Variants in HEPACAM2 observed in about 807,000 individuals in gnomAD.
HEPACAM2 encodes HEPACAM family member 2.
In HEPACAM2, 49 loss-of-function variants were observed where a neutral mutation model predicts 49.6. That is an observed-to-expected ratio of 0.99 (90% CI 0.78 to 1.25). HEPACAM2 has a LOEUF of 1.25. HEPACAM2 is among the 50% of genes most tolerant of loss of function. The probability of loss-of-function intolerance (pLI) is 0.00; values close to 1 mark genes in which losing one functional copy is unlikely to be tolerated. For missense variants in HEPACAM2, 525 were observed against 557.2 expected, an observed-to-expected ratio of 0.94 and a Z score of 0.58; for synonymous variants, 197 against 202.9, an observed-to-expected ratio of 0.97 and a Z score of 0.25.
chr7:93,217,913 TG>T (rs1794348983), intron 2 of HEPACAM2, among the ~76,000 whole-genome samples: 1 of 138,246 alleles, frequency 7.2e-6, no homozygotes, highest in African/African-American at 2.8e-5. Context: ...TGTGTGTGTG[TG>T]TTGGAGAAGT....
chr7:93,195,073 A>G (rs116170268), intron 8 of HEPACAM2, among the ~76,000 whole-genome samples: 2,342 of 152,060 alleles, frequency 0.015, 69 homozygotes, highest in African/African-American at 0.054. Context: ...GGTATCTTCA[A>G]GGGTGTGATC....
At chr7:93,198,153 TTAAAA>T (rs1324569518) in intron 4 of HEPACAM2, among the ~76,000 whole-genome samples, 5 of 152,120 alleles carry the variant, frequency 3.3e-5, no homozygotes, top group African/African-American at 4.8e-5. Flanking sequence ...ATGTCAATTC[TTAAAA>T]TAGGATGTAT....
chr7:93,219,382 T>C lies in HEPACAM2; in HGVS notation c.149A>G (p.Tyr50Cys), dbSNP rs1199454763. 6.2e-7 allele frequency: 1 copy of C among 1,613,892 alleles called. No individual in the cohort carries two copies. The highest frequency in any genetic ancestry group is 1.3e-5 in the African/African-American group (1 of 74,986). ...GTGGAAGCCATAGTGGACGGGTAGG[T>C]AGAGGGCCTGACCTCTGACGCCATG... ...TVHGVRGQAL[Y>C]LPVHYGFHTP... Residue 50 changes from tyrosine to cysteine, a missense_variant, in exon 2 of 10, where the codon TAC becomes TGC. Coordinates refer to ENST00000394468, the MANE Select transcript of HEPACAM2 (RefSeq NM_001039372.4).
chr7:93,213,297 C>T (rs1380365518), intron 3 of HEPACAM2, among the ~76,000 whole-genome samples: 1 of 151,910 alleles, frequency 6.6e-6, no homozygotes, highest in East Asian at 1.9e-4. Context: ...ACATTGTATT[C>T]CACCAAGGCC....
chr7:93,209,254 T>A (rs756570937), intron 3 of HEPACAM2, among the ~76,000 whole-genome samples: 2 of 152,022 alleles, frequency 1.3e-5, no homozygotes, highest in African/African-American at 2.4e-5. Context: ...TGTGACTAGC[T>A]TATTTTTATA....
chr7:93,189,785 C>A (rs1006062940), intron 9 of HEPACAM2, among the ~76,000 whole-genome samples: 3 of 151,892 alleles, frequency 2.0e-5, no homozygotes, highest in African/African-American at 7.2e-5. Flanking sequence ...GAAGTGACTG[C>A]CAAATAAAAG....
At chr7:93,204,011 CA>C (rs1466123655) in intron 4 of HEPACAM2, among the ~76,000 whole-genome samples, 3 of 152,056 alleles carry the variant, frequency 2.0e-5, no homozygotes, top group Non-Finnish European at 4.4e-5. Context: ...TTGTCATTTC[CA>C]AAGACCCAAA....
upstream of HEPACAM2, among the ~76,000 whole-genome samples, chr7:93,230,344 T>C (rs1030779150): frequency 6.6e-6 from 1 of 152,198 alleles, no homozygotes; most frequent in East Asian, 1.9e-4. Flanking sequence ...CTTTACAGCA[T>C]GGATTTGACA....
chr7:93,230,740 G>A (rs903215552), upstream of HEPACAM2, among the ~76,000 whole-genome samples: 20 of 152,278 alleles, frequency 1.3e-4, no homozygotes, highest in African/African-American at 4.3e-4. Context: ...AGAAGGTAAA[G>A]AATAAACTAA....
At chr7:93,212,650 T>G (rs780803142) in intron 3 of HEPACAM2, among the ~76,000 whole-genome samples, 5 of 152,016 alleles carry the variant, frequency 3.3e-5, no homozygotes, top group Admixed American at 6.6e-5. Context: ...CATCTTTTTC[T>G]CTCTCTCTTT....
upstream of HEPACAM2, among the ~76,000 whole-genome samples, chr7:93,229,495 C>T (rs1326351408): frequency 1.3e-5 from 2 of 152,178 alleles, no homozygotes; most frequent in African/African-American, 4.8e-5. Context: ...TCTTTCTAAT[C>T]AAACCAGGAT....
chr7:93,211,319 T>C (rs1422626235), intron 3 of HEPACAM2, among the ~76,000 whole-genome samples: 2 of 152,022 alleles, frequency 1.3e-5, no homozygotes, highest in African/African-American at 4.8e-5. Context: ...AATCAGGAAC[T>C]GAAGGTACAG....
chr7:93,196,487 A>G (rs1793724329), intron 7 of HEPACAM2, among the ~76,000 whole-genome samples: 1 of 152,102 alleles, frequency 6.6e-6, no homozygotes, highest in African/African-American at 2.4e-5. Context: ...TGTCACTTAT[A>G]AGTCAGGAAG....
chr7:93,193,208 A>G (rs1793601258), intron 8 of HEPACAM2, among the ~76,000 whole-genome samples: 1 of 152,022 alleles, frequency 6.6e-6, no homozygotes, highest in African/African-American at 2.4e-5. Context: ...TGTTAATTTG[A>G]CCTGCTAGGT....
Position 93,200,369 on chromosome 7 carries a change from G to A in HEPACAM2, c.1013-2759C>T, listed in dbSNP as rs190317514. On this transcript the variant is annotated intron_variant, in intron 4 of 9. Coordinates refer to ENST00000394468, the MANE Select transcript of HEPACAM2 (RefSeq NM_001039372.4). ...GCTGATTCTTGGAAACTGTGACTGAGCAAAACAACAAATAATGAAATCAAT... is the reference window on the plus strand; with the variant it reads ...GCTGATTCTTGGAAACTGTGACTGAACAAAACAACAAATAATGAAATCAAT... 5.4e-4 allele frequency among the ~76,000 whole-genome samples: 82 copies of A among 152,164 alleles called. 1 individual carries two copies. The highest frequency in any genetic ancestry group is 1.2e-3 in the African/African-American group (50 of 41,552).
chr7:93,201,270 T>G (rs1793875599), intron 4 of HEPACAM2, among the ~76,000 whole-genome samples: 2 of 152,114 alleles, frequency 1.3e-5, no homozygotes, highest in Non-Finnish European at 2.9e-5. Flanking sequence ...GTATCCAGTT[T>G]GACATTTGTT....
chr7:93,204,554 C>T (rs141871289), intron 4 of HEPACAM2, among the ~76,000 whole-genome samples: 1 of 152,184 alleles, frequency 6.6e-6, no homozygotes, highest in East Asian at 1.9e-4. Flanking sequence ...GAAATGTTAT[C>T]ATAGACATTA....
chr7:93,208,994 C>T (rs574857290), intron 3 of HEPACAM2, 118 bp from the exon 4 acceptor site: 32 of 751,760 alleles, frequency 4.3e-5, no homozygotes, highest in Admixed American at 1.2e-4. Flanking sequence ...TAGAATTGGA[C>T]GAGCAGGTCC....
At chr7:93,219,712 C>T (rs951581948) in intron 1 of HEPACAM2, 48 of 513,052 alleles carry the variant, frequency 9.4e-5, no homozygotes, top group Middle Eastern at 5.1e-4. Flanking sequence ...ACGATTGCTA[C>T]GGAATAATGG....
Sources: gnomAD v4.1 joint callset for allele counts (sites outside exome capture counted in the v4.1 genomes callset) on GRCh38, gnomAD v4.1.1 for gene constraint, MANE v1.5 for transcripts, NCBI Gene and HGNC (gene_info 2026-07-23, HGNC 2026-07-21) for gene names.